TEC: variants seen among roughly 807,000 people sequenced by gnomAD.
The protein encoded by TEC is tec protein tyrosine kinase, also known as tyrosine-protein kinase Tec.
TEC carries 72 observed loss-of-function variants against 93.0 expected under a neutral mutation model. The ratio of observed to expected loss-of-function variants is 0.77; its 90% CI spans 0.64 to 0.94. The LOEUF (loss-of-function observed/expected upper bound fraction) is 0.94. Among genes scored for constraint, TEC ranks in the 40% least tolerant of loss-of-function variants. TEC has a pLI of 0.00. For synonymous variants in TEC, 249 were observed against 247.7 expected, an observed-to-expected ratio of 1.01 and a Z score of -0.05; for missense variants, 630 against 757.9, an observed-to-expected ratio of 0.83 and a Z score of 1.98.
chr4:48,166,239 G>T (rs1287219532), intron 7 of TEC, among the ~76,000 whole-genome samples: 1 of 66,958 alleles, frequency 1.5e-5, no homozygotes, highest in Non-Finnish European at 3.8e-5. Context: ...AGAAAGAAGA[G>T]AGGTAGCCCC....
intron 1 of TEC, among the ~76,000 whole-genome samples, chr4:48,240,696 C>T (rs1181519128): frequency 6.6e-6 from 1 of 152,016 alleles, no homozygotes; most frequent in Non-Finnish European, 1.5e-5. Context: ...TAAAAAGATT[C>T]TCTACAGACC....
chr4:48,179,536 G>A (rs1469763008), intron 2 of TEC, among the ~76,000 whole-genome samples: 1 of 151,236 alleles, frequency 6.6e-6, no homozygotes, highest in African/African-American at 2.4e-5. Context: ...TTCCAGGCGT[G>A]TGCCACCACG....
chr4:48,243,713 A>C (rs17574833), intron 1 of TEC, among the ~76,000 whole-genome samples: 50,625 of 151,924 alleles, frequency 0.33, 8,686 homozygotes, highest in Middle Eastern at 0.41. Context: ...ACAAGCTTCA[A>C]CTCTGCCTGG....
chr4:48,160,349 C>A (rs145825263), intron 8 of TEC, among the ~76,000 whole-genome samples: 2 of 152,252 alleles, frequency 1.3e-5, no homozygotes, highest in Non-Finnish European at 2.9e-5. Flanking sequence ...AGAACACACA[C>A]CCAAGCCTAA....
chr4:48,230,444 G>A (rs1045570022), intron 1 of TEC, among the ~76,000 whole-genome samples: 1 of 152,150 alleles, frequency 6.6e-6, no homozygotes, highest in Non-Finnish European at 1.5e-5. Context: ...CTACGCAAAT[G>A]TTTATCATTT....
intron 2 of TEC, among the ~76,000 whole-genome samples, chr4:48,188,058 A>G (rs956650455): frequency 1.3e-5 from 2 of 152,178 alleles, no homozygotes; most frequent in African/African-American, 4.8e-5. Context: ...AAGAAGTGAC[A>G]TAACATTACT....
chr4:48,266,181 C>A (rs1206232100), intron 1 of TEC, among the ~76,000 whole-genome samples: 1 of 152,212 alleles, frequency 6.6e-6, no homozygotes, highest in Admixed American at 6.5e-5. Flanking sequence ...GAAAAGTAGA[C>A]CTCTAGGCAT....
At chr4:48,143,526 G>C (rs983019349) in intron 14 of TEC, among the ~76,000 whole-genome samples, 1 of 152,098 alleles carries the variant, frequency 6.6e-6, no homozygotes, top group African/African-American at 2.4e-5. Context: ...CATTGCCCCA[G>C]TCAAATAATG....
chr4:48,212,286 C>T (rs549257999), intron 2 of TEC, among the ~76,000 whole-genome samples: 22 of 152,006 alleles, frequency 1.4e-4, no homozygotes, highest in South Asian at 6.2e-4. Flanking sequence ...AAAGAACACC[C>T]GTTGCAAGGT....
chr4:48,163,684 A>G lies in TEC; in HGVS notation c.737+18T>C. ...AAGTTTCTGATTTTCCACATTCACA[A>G]AATAAACATTTACTTACTCATATTG... On this transcript the variant is annotated intron_variant, in intron 8 of 17. Transcript: ENST00000381501. 7.1e-7 allele frequency: 1 copy of G among 1,408,774 alleles called. No homozygotes were observed. Among genetic ancestry groups the G allele is most frequent in the South Asian group, 1.4e-5 (1 of 71,398 alleles). 87.3% of individuals were successfully genotyped at this position (1,408,774 alleles called of 1,614,324 possible).
At chr4:48,207,230 A>G (rs1477589265) in intron 2 of TEC, among the ~76,000 whole-genome samples, 1 of 152,180 alleles carries the variant, frequency 6.6e-6, no homozygotes, top group African/African-American at 2.4e-5. Context: ...TGAGGAAAAA[A>G]TATGGAATGA....
intron 2 of TEC, among the ~76,000 whole-genome samples, chr4:48,204,779 G>C (rs1376895791): frequency 3.3e-5 from 5 of 152,184 alleles, no homozygotes; most frequent in Non-Finnish European, 5.9e-5. Context: ...TGCCAACACT[G>C]ATCTGAAAGG....
intron 2 of TEC, among the ~76,000 whole-genome samples, chr4:48,207,966 A>G (rs541748459): frequency 1.3e-5 from 2 of 152,334 alleles, no homozygotes; most frequent in African/African-American, 2.4e-5. Flanking sequence ...TTTGGAAGAA[A>G]GAAGACCAAG....
intron 2 of TEC, among the ~76,000 whole-genome samples, chr4:48,185,671 C>T (rs114699778): frequency 0.036 from 5,543 of 152,102 alleles, 338 homozygotes; most frequent in African/African-American, 0.13. Context: ...ATAAGCATGG[C>T]ATAATATATA....
chr4:48,269,135 G>T (rs1383852667), intron 1 of TEC, among the ~76,000 whole-genome samples: 1 of 152,154 alleles, frequency 6.6e-6, no homozygotes, highest in Non-Finnish European at 1.5e-5. Context: ...AAGAGAACGT[G>T]AACTTCACTG....
intron 2 of TEC, among the ~76,000 whole-genome samples, chr4:48,213,335 T>C (rs1722972916): frequency 6.6e-6 from 1 of 152,236 alleles, no homozygotes; most frequent in Non-Finnish European, 1.5e-5. Flanking sequence ...TGTAGAATCA[T>C]GCGAAACTTT....
At chr4:48,257,203 A>C (rs1293133983) in intron 1 of TEC, among the ~76,000 whole-genome samples, 2 of 152,196 alleles carry the variant, frequency 1.3e-5, no homozygotes, top group East Asian at 3.8e-4. Flanking sequence ...CTTACATGAA[A>C]TATATTATTA....
At chr4:48,212,098 CA>C (rs59441112) in intron 2 of TEC, among the ~76,000 whole-genome samples, 4,789 of 86,518 alleles carry the variant, frequency 0.055, 216 homozygotes, top group African/African-American at 0.15. Context: ...GACTCTGTCT[CA>C]AAAAAAAAAA....
At position 48,176,108 on chromosome 4, in the gene TEC, G is replaced by T; in HGVS notation, c.217C>A (p.Pro73Thr). The change falls in exon 3 of 18, where the codon CCC (proline) becomes ACC (threonine). Residue 73 changes from proline to threonine, a missense_variant. Pro to Thr is a conservative substitution (Grantham distance 38). This residue lies in a region of TEC where 335 missense variants were observed against 351.5 expected (regional missense o/e 0.95). Coordinates refer to ENST00000381501, the MANE Select transcript of TEC (RefSeq NM_003215.3). ...TGAAATGGATACTTATTTTGACAGG[G>T]AATGACACCATCATCATTCTTCACT... ...EIVKNDDGVI[P>T]CQNKYPFQVV... 1.2e-6 allele frequency: 2 copies of T among 1,613,720 alleles called. No individual in the cohort carries two copies. Among genetic ancestry groups the T allele is most frequent in the South Asian group, 2.2e-5 (2 of 91,074 alleles).
Sources: gnomAD v4.1 joint callset for allele counts (sites outside exome capture counted in the v4.1 genomes callset) on GRCh38, gnomAD v4.1.1 for gene constraint, gnomAD v4.1.1 regional missense constraint, MANE v1.5 for transcripts, NCBI Gene and HGNC (gene_info 2026-07-23, HGNC 2026-07-21) for gene names.